SAA2: variants seen among roughly 807,000 people sequenced by gnomAD.
The protein encoded by SAA2 is serum amyloid A2.
SAA2 carries 5 observed loss-of-function variants against 9.1 expected under a neutral mutation model. The ratio of observed to expected loss-of-function variants is 0.55; its 90% CI spans 0.29 to 1.16. The LOEUF is 1.16. Ranked by LOEUF, SAA2 falls within the 50% of genes most tolerant of loss-of-function variation. The pLI is 0.09. For synonymous variants in SAA2, 49 were observed against 59.8 expected (o/e 0.82, Z 0.83); for missense variants, 94 against 153.8 (o/e 0.61, Z 2.06).
chr11:18,241,629 A>G (rs972841421), downstream of SAA2, among the ~76,000 whole-genome samples: 5 of 152,230 alleles, frequency 3.3e-5, no homozygotes, highest in Non-Finnish European at 7.3e-5. Context: ...ACTAGAGGCC[A>G]TTATCTTAAG....
chr11:18,245,609 G>A (rs1857487193), intron 3 of SAA2, 94 bp from the exon 4 acceptor site: 19 of 1,521,838 alleles, frequency 1.2e-5, no homozygotes, highest in East Asian at 4.5e-5. Flanking sequence ...AGGGCTCAGA[G>A]AGGAGCCCAG....
chr11:18,243,840 T>G (rs926153880), downstream of SAA2, among the ~76,000 whole-genome samples: 1 of 152,314 alleles, frequency 6.6e-6, no homozygotes, highest in African/African-American at 2.4e-5. Context: ...GTTTCTTTAT[T>G]TTCAGCTCCA....
At chr11:18,245,782 A>G in intron 3 of SAA2, 128 bp downstream of exon 3, 1 of 1,451,942 alleles carries the variant, frequency 6.9e-7, no homozygotes, top group African/African-American at 1.4e-5. Flanking sequence ...GCACAGAGGC[A>G]GAGAGAGGGC....
chr11:18,244,997 G>C (rs891254608), downstream of SAA2, among the ~76,000 whole-genome samples: 1 of 152,206 alleles, frequency 6.6e-6, no homozygotes, highest in Non-Finnish European at 1.5e-5. Flanking sequence ...CACAGGAGAT[G>C]AGAAGCCTGG....
Position 18,245,282 on chromosome 11 carries a change from A to C in SAA2, c.*95T>G. 6.4e-7 allele frequency: 1 copy of C among 1,562,472 alleles called. No homozygotes were observed. The highest frequency in any genetic ancestry group is 1.2e-5 in the South Asian group (1 of 83,330). On this transcript the variant is annotated 3_prime_UTR_variant, in exon 4 of 4. Transcript: ENST00000256733. ...TTATTAGATGCCTATTATATGCCAT[A>C]TCTCAGCTTCTCTGGACATAGACCT...
chr11:18,240,839 C>T (rs1391167081), downstream of SAA2, among the ~76,000 whole-genome samples: 1 of 151,934 alleles, frequency 6.6e-6, no homozygotes, highest in East Asian at 1.9e-4. Context: ...ATCTCAAAAG[C>T]AAATGCAGCA....
exon 4 of SAA2, chr11:18,239,592 G>A (rs1590009697): frequency 7.4e-6 from 3 of 403,690 alleles, no homozygotes; most frequent in Admixed American, 8.7e-5. Flanking sequence ...TAAGCCAAAG[G>A]TGAACTCCTC....
chr11:18,242,013 TAAC>T (rs1289322228), downstream of SAA2: 2 of 152,162 alleles, frequency 1.3e-5, no homozygotes, highest in Non-Finnish European at 2.9e-5. Context: ...TGTTTAAAAA[TAAC>T]AAGCAGCTCA....
rs1184271606 is a variant in SAA2 at position 18,248,015 on chromosome 11, G to A, written c.-4C>T. 3 of 1,612,700 alleles carry A rather than the reference G, an allele frequency of 1.9e-6. No individual in the cohort carries two copies. Among genetic ancestry groups the A allele is most frequent in the African/African-American group, 1.3e-5 (1 of 74,740 alleles). ...CCAGGCCCGTGAGAAGCTTCATGGT[G>A]CTGAAATGAAAGGAGAAGTCAGGCA... is the stretch of plus-strand genomic sequence containing the variant. On this transcript the variant is annotated splice_region_variant and 5_prime_UTR_variant, in exon 2 of 4. Coordinates refer to ENST00000256733, the MANE Select transcript of SAA2 (RefSeq NM_030754.5).
At chr11:18,240,114 G>A in intron 3 of SAA2, 1 of 1,162,986 alleles carries the variant, frequency 8.6e-7, no homozygotes, top group Non-Finnish European at 1.2e-6. Context: ...GAGAAGATGG[G>A]GAATGTACAC....
chr11:18,242,539 C>A (rs1857377158), downstream of SAA2: 1 of 488,280 alleles, frequency 2.0e-6, no homozygotes. Context: ...AGCCTCAAAC[C>A]GACACAAAAA....
exon 4 of SAA2, chr11:18,239,486 T>C (rs1857282197): frequency 2.3e-5 from 9 of 387,030 alleles, no homozygotes; most frequent in Non-Finnish European, 3.7e-5. Context: ...AGTCCTATCA[T>C]ACCATCTCCC....
intron 1 of SAA2, chr11:18,248,277 C>A: frequency 2.6e-6 from 1 of 384,516 alleles, no homozygotes; most frequent in South Asian, 2.6e-5. Flanking sequence ...GACTGTCACT[C>A]CCTCAAGTAG....
chr11:18,247,505 C>T (rs369005170), intron 2 of SAA2, among the ~76,000 whole-genome samples: 678 of 135,668 alleles, frequency 5.0e-3, no homozygotes, highest in African/African-American at 0.018. Flanking sequence ...CAACAATCCT[C>T]GACTCTCTAA....
downstream of SAA2, among the ~76,000 whole-genome samples, chr11:18,244,914 GC>G (rs1857457445): frequency 6.6e-6 from 1 of 152,138 alleles, no homozygotes; most frequent in Admixed American, 6.5e-5. Context: ...ATTGTCTGTA[GC>G]CCCTGCCTCC....
Position 18,245,458 on chromosome 11 carries a change from G to A in SAA2, c.288C>T (p.Ala96=), listed in dbSNP as rs186939156. 2.7e-5 allele frequency: 43 copies of A among 1,614,170 alleles called. No homozygotes were observed. The highest frequency in any genetic ancestry group is 2.2e-4 in the Admixed American group (13 of 60,026). Residue 96 remains alanine, a synonymous_variant, in exon 4 of 4, where the codon GCC becomes GCT. Transcript: ENST00000256733. ...TGCCCCATTTATTGGCAGCCTGATC[G>A]GCCAGCGAGTCCTCCGCACCACGGC... ...LTGRGAEDSL[A]DQAANKWGRS...
chr11:18,239,803 G>A (rs1590009825), exon 4 of SAA2: 1 of 990,574 alleles, frequency 1.0e-6, no homozygotes, highest in South Asian at 2.0e-5. Context: ...CCATCCACAT[G>A]CTGAGGGAGC....
downstream of SAA2, among the ~76,000 whole-genome samples, chr11:18,238,659 AAT>A (rs1857261192): frequency 6.6e-6 from 1 of 152,238 alleles, no homozygotes; most frequent in Non-Finnish European, 1.5e-5. Flanking sequence ...TTGTGTTACA[AAT>A]AATCCAATTA....
At chr11:18,240,333 C>G (rs1434959307), downstream of SAA2, 1 of 701,986 alleles carries the variant, frequency 1.4e-6, no homozygotes, top group Admixed American at 2.0e-5. Context: ...CTATTGTTTT[C>G]TCTTTCATGG....
Sources: gnomAD v4.1 joint callset for allele counts (sites outside exome capture counted in the v4.1 genomes callset) on GRCh38, gnomAD v4.1.1 for gene constraint, MANE v1.5 for transcripts, NCBI Gene and HGNC (gene_info 2026-07-23, HGNC 2026-07-21) for gene names.